Variants in EXOC3L4 observed in about 807,000 individuals in gnomAD.
EXOC3L4 encodes the protein exocyst complex component 3 like 4, also known as exocyst complex component 3-like protein 4.
A neutral mutation model predicts 69.7 loss-of-function variants in EXOC3L4; 62 were observed. That is an observed-to-expected ratio of 0.89 (90% CI 0.72 to 1.10). The LOEUF is 1.10. Ranked by LOEUF, EXOC3L4 falls within the 50% of genes least tolerant of loss-of-function variation. The pLI is 0.00. For missense variants in EXOC3L4, 1,087 were observed against 1,034.8 expected (o/e 1.05, Z -0.69); for synonymous variants, 502 against 464.2 (o/e 1.08, Z -1.05).
Position 103,107,744 on chromosome 14 carries a change from C to A in EXOC3L4, c.1815C>A (p.Ser605Arg). 1 of 1,544,512 alleles carries A rather than the reference C, an allele frequency of 6.5e-7. No individual in the cohort carries two copies. Among genetic ancestry groups the A allele is most frequent in the Admixed American group, 2.0e-5 (1 of 50,624 alleles). The change falls in exon 10 of 12, where the codon AGC becomes AGA. Residue 605 changes from serine (S) to arginine (R), a missense_variant. Ser to Arg is a moderately radical substitution (Grantham distance 110, BLOSUM62 -1). Coordinates refer to ENST00000688303, the MANE Select transcript of EXOC3L4 (RefSeq NM_001077594.2). Reference sequence around the variant, plus strand: ...GCATGCATGGCTCCCAGAAGATGAGCCTGGATGCCCAGGCCATCAGCGACA... The same window carrying A: ...GCATGCATGGCTCCCAGAAGATGAGACTGGATGCCCAGGCCATCAGCGACA... ...MERMHGSQKM[S>R]LDAQAISDTF...
intron 10 of EXOC3L4, 132 bp downstream of exon 10, chr14:103,107,915 T>G: frequency 8.3e-7 from 1 of 1,204,674 alleles, no homozygotes; most frequent in Non-Finnish European, 1.1e-6. Flanking sequence ...GAACAGGGAC[T>G]GGGGCGCCTG....
At position 103,110,424 on chromosome 14, in the gene EXOC3L4, G is replaced by A; in HGVS notation, c.*201G>A. On this transcript the variant is annotated 3_prime_UTR_variant, in exon 12 of 12. Transcript: ENST00000688303. ...GAGGCATTTCAGGCATCGTTGAGGG[G>A]AGTGTTTTGGGGCCGCAGAGCTCTC... 2.8e-6 allele frequency: 2 copies of A among 723,664 alleles called. No individual in the cohort carries two copies. The highest frequency in any genetic ancestry group is 2.4e-6 in the Non-Finnish European group (1 of 408,686). The allele number at this position is 723,664 out of a possible 1,614,324, so 44.8% of individuals were successfully genotyped here.
chr14:103,100,279 G>T lies in EXOC3L4; in HGVS notation c.60G>T (p.Glu20Asp). Reference sequence around the variant, plus strand: ...AGCTGCAGAGTCCCAAGGAGGCTGAGGAGCCACAGACTCCAGCTCAGGGCT... The same window carrying T: ...AGCTGCAGAGTCCCAAGGAGGCTGATGAGCCACAGACTCCAGCTCAGGGCT... ...GPELQSPKEA[E>D]EPQTPAQGSR... Residue 20 changes from glutamate (E) to aspartate (D), a missense_variant, in exon 2 of 12, where the codon GAG becomes GAT. Physicochemically the swap from Glu to Asp is conservative, Grantham distance 45 (BLOSUM62 2). Coordinates refer to ENST00000688303, the MANE Select transcript of EXOC3L4 (RefSeq NM_001077594.2). 1 of 1,578,616 alleles carries T rather than the reference G, an allele frequency of 6.3e-7. No homozygotes were observed. Among genetic ancestry groups the T allele is most frequent in the East Asian group, 2.3e-5 (1 of 43,404 alleles).
In EXOC3L4 at chr14:103,110,213, C is replaced by T; in HGVS notation, c.2159C>T (p.Thr720Ile). 6.0e-6 allele frequency: 9 copies of T among 1,508,158 alleles called. No homozygotes were observed. The highest frequency in any genetic ancestry group is 8.0e-6 in the Non-Finnish European group (9 of 1,126,238). 93.4% of individuals were successfully genotyped at this position (1,508,158 alleles called of 1,614,324 possible). A position where few individuals can be genotyped will look rare whatever the true frequency, so the allele number is the denominator to read the frequency against. ...CCCAGTGCCATGGCTGTGCTGATCA[C>T]CTGCGTCTAGTTCTCTCTGGCTCGA... ...KVPSAMAVLI[T>I]CV Residue 720 changes from threonine to isoleucine, a missense_variant, in exon 12 of 12, where the codon ACC becomes ATC. Coordinates refer to ENST00000688303, the MANE Select transcript of EXOC3L4 (RefSeq NM_001077594.2).
Position 103,097,553 on chromosome 14 carries a change from G to T in EXOC3L4, c.-16-2651G>T, listed in dbSNP as rs933280467. The stretch of plus-strand genomic sequence containing the variant: ...GCAGCAGGCAGGCCAGCCGGGGGTG[G>T]CAGGGCGACCCTGATACCGATGTTC... On this transcript the variant is annotated intron_variant, in intron 1 of 11. Transcript: ENST00000688303. This position sits in a 1 kb window ranked among gnomAD's most constrained non-coding sequence, Gnocchi z 4.9. Among the ~76,000 whole-genome samples the T allele has an allele frequency of 6.6e-6, 1 of 152,166 alleles. No homozygotes were observed. The highest frequency in any genetic ancestry group is 1.5e-5 in the Non-Finnish European group (1 of 68,014).
chr14:103,096,121 G>A (rs922473699), intron 1 of EXOC3L4, among the ~76,000 whole-genome samples: 1 of 152,206 alleles, frequency 6.6e-6, no homozygotes, highest in Non-Finnish European at 1.5e-5. Context: ...GGAGGCTGAG[G>A]CAGGAGGATT....
chr14:103,107,446 C>T lies in EXOC3L4; in HGVS notation c.1604C>T (p.Thr535Ile), dbSNP rs748471071. The change falls in exon 9 of 12, where the codon ACC becomes ATC. Residue 535 changes from threonine to isoleucine, a missense_variant. By Grantham distance (89) the Thr-to-Ile change is moderately conservative (BLOSUM62 -1). Coordinates refer to ENST00000688303, the MANE Select transcript of EXOC3L4 (RefSeq NM_001077594.2). ...ELQPLFRVVCTRDWLTQDWLH... is the reference protein window; with the variant it reads ...ELQPLFRVVCIRDWLTQDWLH... Reference sequence around the variant, plus strand: ...CAGCCGCTCTTCAGGGTTGTGTGCACCAGGGACTGGCTGACGCAGGACTGG... The same window carrying T: ...CAGCCGCTCTTCAGGGTTGTGTGCATCAGGGACTGGCTGACGCAGGACTGG... 1.2e-6 allele frequency: 2 copies of T among 1,614,056 alleles called. No homozygotes were observed. The highest frequency in any genetic ancestry group is 1.7e-4 in the Middle Eastern group (1 of 6,060).
chr14:103,101,513 C>T (rs1230233147), intron 2 of EXOC3L4, among the ~76,000 whole-genome samples: 1 of 152,228 alleles, frequency 6.6e-6, no homozygotes, highest in African/African-American at 2.4e-5. Context: ...TAGATCCCCA[C>T]CTCTCCATGG....
At chr14:103,100,074 C>T (rs913664911) in intron 1 of EXOC3L4, 130 bp from the exon 2 acceptor site, 15 of 1,033,096 alleles carry the variant, frequency 1.5e-5, no homozygotes, top group Non-Finnish European at 1.9e-5. Flanking sequence ...GGTGATGCTT[C>T]CTTTTGACAG....
At chr14:103,104,196 G>A (rs1056849742) in intron 4 of EXOC3L4, 71 bp from the exon 5 acceptor site, 3 of 1,467,346 alleles carry the variant, frequency 2.0e-6, no homozygotes, top group African/African-American at 2.9e-5. Context: ...CCGACAGGGC[G>A]GCCCTCATCC....
At position 103,097,679 on chromosome 14, in the gene EXOC3L4, A is replaced by G. The variant is rs1254541780; in HGVS notation, c.-16-2525A>G. 6.6e-6 allele frequency among the ~76,000 whole-genome samples: 1 copy of G among 152,172 alleles called. No homozygotes were observed. The highest frequency in any genetic ancestry group is 1.5e-5 in the Non-Finnish European group (1 of 68,022). ...CATCATCACAGGGACAGTGCCGAGT[A>G]CCCACTGAGCAGATAGATGGTGACG... On this transcript the variant is annotated intron_variant, in intron 1 of 11. Coordinates refer to ENST00000688303, the MANE Select transcript of EXOC3L4 (RefSeq NM_001077594.2). The surrounding 1 kb of genome is among the most constrained non-coding windows in gnomAD (Gnocchi z 4.9).
chr14:103,108,176 G>C (rs940249578), intron 10 of EXOC3L4, among the ~76,000 whole-genome samples: 1 of 152,138 alleles, frequency 6.6e-6, no homozygotes, highest in Admixed American at 6.5e-5. Flanking sequence ...GGATGGGATC[G>C]GAGGGGAGAT....
intron 8 of EXOC3L4, among the ~76,000 whole-genome samples, chr14:103,107,183 G>C (rs1890607271): frequency 6.6e-6 from 1 of 152,180 alleles, no homozygotes; most frequent in Non-Finnish European, 1.5e-5. Context: ...AGTCCCTCAA[G>C]GCTTCTCCAG....
intron 4 of EXOC3L4, 68 bp from the exon 5 acceptor site, chr14:103,104,199 C>T: frequency 2.0e-6 from 3 of 1,473,348 alleles, no homozygotes; most frequent in Non-Finnish European, 2.7e-6. Flanking sequence ...ACAGGGCGGC[C>T]CTCATCCCGG....
In EXOC3L4 at chr14:103,102,427, T is replaced by G. The variant is rs1890249686; in HGVS notation, c.704T>G (p.Leu235Arg). 1.2e-5 allele frequency: 19 copies of G among 1,520,314 alleles called. No individual in the cohort carries two copies. The East Asian group carries it at 4.2e-4, about 33-fold the overall frequency. 94.2% of individuals were successfully genotyped at this position (1,520,314 alleles called of 1,614,324 possible). ...TCTCCCCCCGACGACGGCGACTTCCTGCGCACGCCGCGCCGCTGGCGCCAG... is the reference window on the plus strand; with the variant it reads ...TCTCCCCCCGACGACGGCGACTTCCGGCGCACGCCGCGCCGCTGGCGCCAG... ...HPSPPDDGDF[L>R]RTPRRWRQHW... Residue 235 changes from leucine (L) to arginine (R), a missense_variant, in exon 3 of 12, where the codon CTG becomes CGG. Coordinates refer to ENST00000688303, the MANE Select transcript of EXOC3L4 (RefSeq NM_001077594.2).
At position 103,104,040 on chromosome 14, in the gene EXOC3L4, C is replaced by T. The variant is rs1212744772; in HGVS notation, c.1149C>T (p.Thr383=). 1.1e-5 allele frequency: 17 copies of T among 1,573,798 alleles called. No individual in the cohort carries two copies. Among genetic ancestry groups the T allele is most frequent in the Admixed American group, 8.9e-5 (5 of 56,172 alleles). Residue 383 remains threonine, a synonymous_variant, in exon 4 of 12, where the codon ACC becomes ACT. Coordinates refer to ENST00000688303, the MANE Select transcript of EXOC3L4 (RefSeq NM_001077594.2). The part of the protein sequence containing the change: ...DVWARLESDY[T]SFLEAKIASC... ...GGGCCCGACTGGAGAGCGACTACAC[C>T]AGCTTCCTGGAGGTCAGGCCGGGCG...
intron 8 of EXOC3L4, 54 bp from the exon 9 acceptor site, chr14:103,107,370 G>C (rs1466384350): frequency 1.3e-6 from 2 of 1,587,174 alleles, no homozygotes; most frequent in South Asian, 2.2e-5. Context: ...CGAGGGAGGG[G>C]TTACGTTGCG....
chr14:103,101,171 C>G (rs1181930253), intron 2 of EXOC3L4, among the ~76,000 whole-genome samples: 2 of 152,090 alleles, frequency 1.3e-5, no homozygotes, highest in African/African-American at 4.8e-5. Context: ...TCCCAAAGTG[C>G]TGGGATTACA....
Position 103,107,466 on chromosome 14 carries a change from G to A in EXOC3L4, c.1624G>A (p.Asp542Asn), listed in dbSNP as rs770339782. The A allele has an allele frequency of 4.3e-6, 7 of 1,613,804 alleles. No individual in the cohort carries two copies. Among genetic ancestry groups the A allele is most frequent in the East Asian group, 4.5e-5 (2 of 44,886 alleles). The change falls in exon 9 of 12, where the codon GAC becomes AAC. Residue 542 changes from aspartate (D) to asparagine (N), a missense_variant. Transcript: ENST00000688303. ...VVCTRDWLTQDWLHPLMDKVV... is the reference protein window; with the variant it reads ...VVCTRDWLTQNWLHPLMDKVV... ...GTGCACCAGGGACTGGCTGACGCAG[G>A]ACTGGCTGCATCCCCTCATGGACAA...
Sources: allele counts gnomAD v4.1 joint callset (sites outside exome capture counted in the v4.1 genomes callset), GRCh38; gene constraint gnomAD v4.1.1; non-coding constraint Gnocchi (gnomAD v3.1); transcripts MANE v1.5; gene names NCBI Gene and HGNC (gene_info 2026-07-23, HGNC 2026-07-21).